PHF14: variants seen among roughly 807,000 people sequenced by gnomAD.
PHF14 encodes PHD finger protein 14.
In PHF14, 55 loss-of-function variants were observed where a neutral mutation model predicts 117.9. That is an observed-to-expected ratio of 0.47 (90% CI 0.38 to 0.58). The LOEUF is 0.58. Among genes scored for constraint, PHF14 ranks in the 20% least tolerant of loss-of-function variants. The probability of loss-of-function intolerance (pLI) is 0.00; values close to 1 mark genes in which losing one functional copy is unlikely to be tolerated. For synonymous variants in PHF14, 409 were observed against 368.6 expected (o/e 1.11, Z -1.26); for missense variants, 978 against 1,122.2 (o/e 0.87, Z 1.84).
chr7:11,119,641 G>C (rs1787693470), intron 17 of PHF14, among the ~76,000 whole-genome samples: 1 of 151,832 alleles, frequency 6.6e-6, no homozygotes, highest in Non-Finnish European at 1.5e-5. Flanking sequence ...GATATAGTGA[G>C]AGTAATTTGG....
intron 5 of PHF14, among the ~76,000 whole-genome samples, chr7:11,020,243 C>T (rs914051890): frequency 1.7e-4 from 26 of 151,980 alleles, no homozygotes; most frequent in African/African-American, 6.0e-4. Context: ...TGTGCGCCAC[C>T]ACACCAGGCT....
chr7:11,087,589 C>T (rs866257842), intron 16 of PHF14, among the ~76,000 whole-genome samples: 3 of 152,142 alleles, frequency 2.0e-5, no homozygotes, highest in East Asian at 1.9e-4. Context: ...CAATGATTGA[C>T]TTCTAAGGAA....
chr7:11,159,831 T>C (rs973764531), intron 17 of PHF14, among the ~76,000 whole-genome samples: 1 of 152,106 alleles, frequency 6.6e-6, no homozygotes, highest in Non-Finnish European at 1.5e-5. Context: ...TAACAATAGA[T>C]GAAAAGATAT....
intron 16 of PHF14, among the ~76,000 whole-genome samples, chr7:11,073,679 T>A (rs78472808): frequency 0.01 from 1,584 of 152,322 alleles, 25 homozygotes; most frequent in African/African-American, 0.035. Flanking sequence ...GTGTGAGGGT[T>A]CCAACTCCAC....
At chr7:10,998,585 A>G (rs1782746885) in intron 4 of PHF14, among the ~76,000 whole-genome samples, 2 of 152,202 alleles carry the variant, frequency 1.3e-5, no homozygotes, top group Non-Finnish European at 1.5e-5. Context: ...AAAAGTAAAC[A>G]TGGTTGAATA....
At chr7:11,045,679 G>A (rs1298499689) in intron 13 of PHF14, among the ~76,000 whole-genome samples, 1 of 152,168 alleles carries the variant, frequency 6.6e-6, no homozygotes, top group Non-Finnish European at 1.5e-5. Flanking sequence ...GGCAGGTTAA[G>A]ACATGTGACA....
At chr7:11,064,419 A>G (rs889973108) in intron 16 of PHF14, among the ~76,000 whole-genome samples, 2 of 151,856 alleles carry the variant, frequency 1.3e-5, no homozygotes, top group African/African-American at 2.4e-5. Flanking sequence ...TTCTCTACAG[A>G]TATATTTCAG....
intron 16 of PHF14, among the ~76,000 whole-genome samples, chr7:11,086,509 T>G (rs1052743383): frequency 5.9e-5 from 9 of 152,332 alleles, no homozygotes; most frequent in African/African-American, 2.2e-4. Flanking sequence ...TCCATATGTC[T>G]TGGTCAGTGT....
chr7:11,015,715 G>A (rs1783510907), intron 5 of PHF14, among the ~76,000 whole-genome samples: 1 of 151,688 alleles, frequency 6.6e-6, no homozygotes, highest in African/African-American at 2.4e-5. Flanking sequence ...GTCAGTAAAT[G>A]TCTCCTTACT....
chr7:11,037,824 G>A (rs972358083), intron 10 of PHF14, among the ~76,000 whole-genome samples: 5 of 152,134 alleles, frequency 3.3e-5, no homozygotes, highest in Admixed American at 6.5e-5. Context: ...AGAGTACTTG[G>A]AATTAGATTC....
At chr7:11,094,014 T>C (rs544113078) in intron 16 of PHF14, among the ~76,000 whole-genome samples, 2 of 152,318 alleles carry the variant, frequency 1.3e-5, no homozygotes, top group South Asian at 4.1e-4. Context: ...AGCCTTTCTT[T>C]TAATGACATT....
intron 17 of PHF14, among the ~76,000 whole-genome samples, chr7:11,167,360 AAGTT>A (rs1485690866): frequency 2.6e-5 from 4 of 152,218 alleles, no homozygotes; most frequent in South Asian, 4.1e-4. Context: ...GTTATATAGT[AAGTT>A]AAGATTGCTA....
rs149083534 is a variant in PHF14 at position 11,152,293 on chromosome 7, G to C, written c.2773-17123G>C. Among the ~76,000 whole-genome samples, 46 of 152,254 alleles carry C rather than the reference G, an allele frequency of 3.0e-4. No homozygotes were observed. The East Asian group carries it at 7.5e-3, about 25-fold the overall frequency. On this transcript the variant is annotated intron_variant, in intron 17 of 17. Coordinates refer to ENST00000634607, the MANE Select transcript of PHF14 (RefSeq NM_001007157.2). ...GGGAATACTTTTTATAGTCAGAGCT[G>C]AGTTTGGAATCCTAGCTCCTCTAAT...
At chr7:10,974,745 C>G (rs554399546) in intron 1 of PHF14, 90 bp from the exon 2 acceptor site, 2 of 703,902 alleles carry the variant, frequency 2.8e-6, no homozygotes, top group South Asian at 3.7e-5. Flanking sequence ...ATTCCTTGTG[C>G]GAGGTCATCT....
intron 17 of PHF14, among the ~76,000 whole-genome samples, chr7:11,128,679 T>C (rs1040997963): frequency 1.3e-5 from 2 of 151,772 alleles, no homozygotes; most frequent in African/African-American, 4.8e-5. Context: ...GTATTTTAGA[T>C]GTAAATCAGT....
At chr7:10,988,999 T>C (rs1489553579) in intron 3 of PHF14, among the ~76,000 whole-genome samples, 1 of 152,216 alleles carries the variant, frequency 6.6e-6, no homozygotes, top group Admixed American at 6.5e-5. Context: ...ACTCTGGTAC[T>C]GTAAAACCAG....
At chr7:11,043,367 C>A (rs561364206) in intron 13 of PHF14, among the ~76,000 whole-genome samples, 1 of 151,428 alleles carries the variant, frequency 6.6e-6, no homozygotes. Context: ...TTATCCTTTT[C>A]TTAATTTTAC....
intron 5 of PHF14, among the ~76,000 whole-genome samples, chr7:11,022,228 G>C (rs773713007): frequency 1.7e-4 from 26 of 151,942 alleles, no homozygotes; most frequent in Non-Finnish European, 3.2e-4. Flanking sequence ...TTTATATTTG[G>C]GGCATATAAA....
At chr7:10,975,834 C>T (rs1294734118) in intron 2 of PHF14, among the ~76,000 whole-genome samples, 4 of 152,102 alleles carry the variant, frequency 2.6e-5, no homozygotes, top group African/African-American at 9.7e-5. Context: ...GAGAGTTTGC[C>T]GTGGTTAGTC....
Sources: gnomAD v4.1 joint callset for allele counts (sites outside exome capture counted in the v4.1 genomes callset) on GRCh38, gnomAD v4.1.1 for gene constraint, MANE v1.5 for transcripts, NCBI Gene and HGNC (gene_info 2026-07-23, HGNC 2026-07-21) for gene names.